Variants in C1orf21 observed in about 807,000 individuals in gnomAD.
C1orf21 encodes uncharacterized protein C1orf21.
Under a neutral mutation model 18.7 loss-of-function variants are expected in C1orf21, and 3 were observed. That is an observed-to-expected ratio of 0.16 (90% CI 0.07 to 0.42). The LOEUF (loss-of-function observed/expected upper bound fraction) is 0.42, where lower values mean the gene tolerates loss of function less well. Ranked by LOEUF, C1orf21 falls within the 10% of genes least tolerant of loss-of-function variation. The probability of loss-of-function intolerance (pLI) is 0.99; values close to 1 mark genes in which losing one functional copy is unlikely to be tolerated. For missense variants in C1orf21, 104 were observed against 143.6 expected (o/e 0.72, Z 1.41); for synonymous variants, 41 against 46.4 (o/e 0.88, Z 0.47).
intron 1 of C1orf21, among the ~76,000 whole-genome samples, chr1:184,431,622 A>G (rs1656765854): frequency 6.6e-6 from 1 of 152,216 alleles, no homozygotes; most frequent in African/African-American, 2.4e-5. Context: ...GACAAACGGG[A>G]TCTAATTAAA....
chr1:184,524,841 C>T (rs558095188), intron 3 of C1orf21, among the ~76,000 whole-genome samples: 1 of 152,116 alleles, frequency 6.6e-6, no homozygotes, highest in South Asian at 2.1e-4. Context: ...CTAAAGGCAG[C>T]TTGTAGTCTA....
chr1:184,598,559 T>A, intron 5 of C1orf21, 98 bp downstream of exon 5: 1 of 1,198,452 alleles, frequency 8.3e-7, no homozygotes. Flanking sequence ...GTCATAAAGC[T>A]ATTTTTGTGA....
chr1:184,400,921 C>T (rs1449938445), intron 1 of C1orf21, among the ~76,000 whole-genome samples: 3 of 152,198 alleles, frequency 2.0e-5, no homozygotes, highest in African/African-American at 4.8e-5. Flanking sequence ...TACCAAATTC[C>T]CTTCTGTGGG....
At chr1:184,538,893 TTG>T (rs1385708519) in intron 3 of C1orf21, among the ~76,000 whole-genome samples, 1 of 152,232 alleles carries the variant, frequency 6.6e-6, no homozygotes, top group African/African-American at 2.4e-5. Flanking sequence ...GACTTTTTTA[TTG>T]TGTGTGGAAT....
At chr1:184,576,410 C>G (rs1014404207) in intron 3 of C1orf21, among the ~76,000 whole-genome samples, 8 of 152,232 alleles carry the variant, frequency 5.3e-5, no homozygotes, top group Non-Finnish European at 1.5e-5. Context: ...CAGGCGTGAG[C>G]CACCGCACCC....
At chr1:184,499,391 C>T (rs150522496) in intron 2 of C1orf21, among the ~76,000 whole-genome samples, 8 of 152,208 alleles carry the variant, frequency 5.3e-5, no homozygotes, top group Admixed American at 2.0e-4. Context: ...ATCATTTTAA[C>T]GCAAGATTTC....
intron 1 of C1orf21, among the ~76,000 whole-genome samples, chr1:184,444,587 A>G (rs1300460447): frequency 1.3e-5 from 2 of 152,152 alleles, no homozygotes; most frequent in Non-Finnish European, 2.9e-5. Context: ...CAGCAGAATG[A>G]AAATGGACTA....
chr1:184,578,049 G>A (rs1458775622), intron 3 of C1orf21, among the ~76,000 whole-genome samples: 1 of 148,158 alleles, frequency 6.7e-6, no homozygotes, highest in Admixed American at 6.8e-5. Context: ...CTCCACCTCC[G>A]GGGTTCAAGC....
chr1:184,473,519 G>A lies in C1orf21; in HGVS notation c.-124-3867G>A, dbSNP rs545719493. ...AAGGATAGCATAAACTGAAGGGAAC[G>A]TCTTTTGAGCAGATGATTCTAGCGG... is the stretch of plus-strand genomic sequence containing the variant. On this transcript the variant is annotated intron_variant, in intron 1 of 5. Transcript: ENST00000235307. Among the ~76,000 whole-genome samples, 15 of 152,262 alleles carry A rather than the reference G, an allele frequency of 9.9e-5. 1 individual carries two copies. The highest frequency in any genetic ancestry group is 8.5e-4 in the Admixed American group (13 of 15,286).
intron 1 of C1orf21, among the ~76,000 whole-genome samples, chr1:184,457,857 G>T (rs903366764): frequency 2.0e-5 from 3 of 152,104 alleles, no homozygotes; most frequent in African/African-American, 7.2e-5. Flanking sequence ...ATCATTTAAA[G>T]GCATGTGTAC....
Position 184,624,875 on chromosome 1 carries a change from A to C in C1orf21, c.*5319A>C. ...GACTCATGTCTCCATAGCAACTGTT[A>C]AAGGTGCTGCCTAGACGGGACCCGC... On this transcript the variant is annotated 3_prime_UTR_variant, in exon 6 of 6. Transcript: ENST00000235307. 1 of 152,178 alleles carries C rather than the reference A, an allele frequency of 6.6e-6. No individual in the cohort carries two copies. Among genetic ancestry groups the C allele is most frequent in the Non-Finnish European group, 1.5e-5 (1 of 68,034 alleles). The allele number at this position is 152,178 out of a possible 1,614,324, so 9.4% of individuals were successfully genotyped here.
At chr1:184,561,404 G>A (rs777690479) in intron 3 of C1orf21, among the ~76,000 whole-genome samples, 36 of 152,280 alleles carry the variant, frequency 2.4e-4, no homozygotes, top group Middle Eastern at 6.8e-3. Context: ...ACTTTATCTG[G>A]ATGACAGTGT....
intron 1 of C1orf21, among the ~76,000 whole-genome samples, chr1:184,437,709 A>G (rs1656880747): frequency 6.6e-6 from 1 of 152,090 alleles, no homozygotes; most frequent in South Asian, 2.1e-4. Context: ...GGATGAGTCA[A>G]ATGTATTACA....
At chr1:184,518,484 T>A (rs904341106) in intron 3 of C1orf21, among the ~76,000 whole-genome samples, 2 of 152,208 alleles carry the variant, frequency 1.3e-5, no homozygotes, top group Non-Finnish European at 2.9e-5. Context: ...AAGAAAGAGT[T>A]ATATCTTCAT....
intron 1 of C1orf21, among the ~76,000 whole-genome samples, chr1:184,428,742 G>A (rs1004154773): frequency 2.6e-5 from 4 of 152,120 alleles, no homozygotes; most frequent in African/African-American, 7.2e-5. Flanking sequence ...TGGAAAGTCT[G>A]TGGCACACTG....
At chr1:184,571,313 A>G (rs915784573) in intron 3 of C1orf21, among the ~76,000 whole-genome samples, 29 of 147,920 alleles carry the variant, frequency 2.0e-4, no homozygotes, top group Middle Eastern at 6.9e-3. Flanking sequence ...AAAAAAAAAA[A>G]AAAAAGAAAA....
intron 2 of C1orf21, among the ~76,000 whole-genome samples, chr1:184,499,284 A>G (rs1360761243): frequency 6.6e-6 from 1 of 152,234 alleles, no homozygotes; most frequent in Admixed American, 6.5e-5. Flanking sequence ...CTTAAAATGA[A>G]GTTACTTTAA....
chr1:184,465,745 G>A (rs1657384894), intron 1 of C1orf21, among the ~76,000 whole-genome samples: 1 of 152,178 alleles, frequency 6.6e-6, no homozygotes, highest in South Asian at 2.1e-4. Flanking sequence ...CCTTAGAATA[G>A]AATGTGATCA....
chr1:184,570,462 A>C (rs1397234584), intron 3 of C1orf21, among the ~76,000 whole-genome samples: 1 of 152,204 alleles, frequency 6.6e-6, no homozygotes, highest in East Asian at 1.9e-4. Context: ...TAGTAAAGTT[A>C]CCCCTATATC....
Sources: gnomAD v4.1 joint callset for allele counts (sites outside exome capture counted in the v4.1 genomes callset) on GRCh38, gnomAD v4.1.1 for gene constraint, MANE v1.5 for transcripts, NCBI Gene and HGNC (gene_info 2026-07-23, HGNC 2026-07-21) for gene names.